Variants in NEBL observed in about 807,000 individuals in gnomAD.
The protein encoded by NEBL is nebulette.
NEBL carries 122 observed loss-of-function variants against 140.2 expected under a neutral mutation model. The observed-to-expected ratio is 0.87, with a 90% confidence interval of 0.75 to 1.01. NEBL has a LOEUF of 1.01. Ranked by LOEUF, NEBL falls within the 50% of genes least tolerant of loss-of-function variation. NEBL has a pLI of 0.00. For missense variants in NEBL, 1,365 were observed against 1,231.3 expected, an observed-to-expected ratio of 1.11 and a Z score of -1.62; for synonymous variants, 436 against 398.9, an observed-to-expected ratio of 1.09 and a Z score of -1.11.
intron 2 of NEBL, among the ~76,000 whole-genome samples, chr10:21,039,727 G>A (rs543900882): frequency 1.3e-5 from 2 of 152,094 alleles, no homozygotes; most frequent in South Asian, 4.2e-4. Flanking sequence ...TGCAAGCTTC[G>A]GAATAATACC....
intron 2 of NEBL, among the ~76,000 whole-genome samples, chr10:21,098,639 A>G (rs1038402320): frequency 1.3e-5 from 2 of 152,154 alleles, no homozygotes; most frequent in African/African-American, 2.4e-5. Context: ...AGATAAACTC[A>G]GTTCATTTGG....
At chr10:20,936,732 C>A (rs147669416) in intron 4 of NEBL, among the ~76,000 whole-genome samples, 28 of 152,304 alleles carry the variant, frequency 1.8e-4, no homozygotes, top group Non-Finnish European at 2.1e-4. Flanking sequence ...GATTACCACT[C>A]ATTATAGTTT....
At position 21,234,919 on chromosome 10, in the gene NEBL, T is replaced by C. The variant is rs551281703; in HGVS notation, n.348+13002A>G. Reference sequence around the variant, plus strand: ...CAAAACAAGGCTCAACGGTGAGATATAACCAACACCCAAGGCCTCTTTAAC... The same window carrying C: ...CAAAACAAGGCTCAACGGTGAGATACAACCAACACCCAAGGCCTCTTTAAC... On this transcript the variant is annotated intron_variant and non_coding_transcript_variant, in intron 3 of 8. Coordinates refer to the NEBL transcript ENST00000675702. 2.0e-5 allele frequency among the ~76,000 whole-genome samples: 3 copies of C among 152,254 alleles called. No individual in the cohort carries two copies. In the East Asian group the frequency reaches 5.8e-4, roughly 29 times the overall value.
intron 2 of NEBL, among the ~76,000 whole-genome samples, chr10:21,072,929 T>G (rs1325356776): frequency 6.6e-6 from 1 of 152,062 alleles, no homozygotes; most frequent in Non-Finnish European, 1.5e-5. Context: ...AGGTGGAGGT[T>G]GCAGTGAGTC....
At chr10:20,808,777 C>A in intron 25 of NEBL, 118 bp from the exon 26 acceptor site, 1 of 1,150,722 alleles carries the variant, frequency 8.7e-7, no homozygotes, top group Non-Finnish European at 1.3e-6. Context: ...AAGAATAACT[C>A]AAAATCTCAG....
At chr10:20,854,525 AC>A (rs1487772085) in intron 9 of NEBL, among the ~76,000 whole-genome samples, 7 of 133,762 alleles carry the variant, frequency 5.2e-5, no homozygotes, top group African/African-American at 1.4e-4. Context: ...GGAGGAAAGC[AC>A]CCCCCAGGAA....
At chr10:20,894,319 G>T (rs938905191) in intron 2 of NEBL, among the ~76,000 whole-genome samples, 1 of 151,492 alleles carries the variant, frequency 6.6e-6, no homozygotes, top group Non-Finnish European at 1.5e-5. Flanking sequence ...AAAAGAAAAT[G>T]AAAATTAGCC....
chr10:20,886,024 A>C (rs1846485914), intron 4 of NEBL, among the ~76,000 whole-genome samples: 1 of 152,170 alleles, frequency 6.6e-6, no homozygotes. Context: ...GCATTTTTCA[A>C]GAGTAATGTA....
chr10:21,258,884 T>C (rs1227286862), intron 1 of NEBL, among the ~76,000 whole-genome samples: 2 of 152,070 alleles, frequency 1.3e-5, no homozygotes, highest in African/African-American at 4.8e-5. Context: ...TAATATTTAC[T>C]GAGGACCTGC....
intron 3 of NEBL, among the ~76,000 whole-genome samples, chr10:20,964,887 G>C (rs1836225669): frequency 6.6e-6 from 1 of 152,162 alleles, no homozygotes. Flanking sequence ...CCCGTTACGT[G>C]AGCTAATCTC....
intron 3 of NEBL, among the ~76,000 whole-genome samples, chr10:21,237,631 G>A (rs1348174189): frequency 6.6e-6 from 1 of 151,322 alleles, no homozygotes; most frequent in Non-Finnish European, 1.5e-5. Context: ...TTGTGAGACA[G>A]GGTCTTGCTC....
At chr10:21,016,001 G>A (rs1449025312) in intron 3 of NEBL, among the ~76,000 whole-genome samples, 1 of 152,250 alleles carries the variant, frequency 6.6e-6, no homozygotes, top group Non-Finnish European at 1.5e-5. Flanking sequence ...CCCCGCAGGT[G>A]AACTATAATG....
intron 2 of NEBL, among the ~76,000 whole-genome samples, chr10:21,096,763 C>T (rs1017418919): frequency 1.3e-5 from 2 of 152,138 alleles, no homozygotes; most frequent in South Asian, 2.1e-4. Flanking sequence ...AATCCTCCTC[C>T]CTCAGCTGCG....
Position 20,925,150 on chromosome 10 carries a change from A to T in NEBL, c.357+36522T>A, listed in dbSNP as rs538269263. Reference sequence around the variant, plus strand: ...TAGAGACAAAGTCACTGTTTATTACATTTCTTCCAGAAATACTCTCTGCAC... The same window carrying T: ...TAGAGACAAAGTCACTGTTTATTACTTTTCTTCCAGAAATACTCTCTGCAC... On this transcript the variant is annotated intron_variant, in intron 4 of 6. Coordinates refer to the NEBL transcript ENST00000417816. Among the ~76,000 whole-genome samples the T allele has an allele frequency of 2.0e-5, 3 of 152,284 alleles. No individual in the cohort carries two copies. In the South Asian group the frequency reaches 6.2e-4, roughly 32 times the overall value.
At position 21,172,442 on chromosome 10, in the gene NEBL, G is replaced by A. The variant is rs1366000968; in HGVS notation, c.105C>T (p.Cys35=). ...AGTTGTTCATGTTGAGTGCCATCTTGCAGACCTCACAATGGAAACATCCTT... is the reference window on the plus strand; with the variant it reads ...AGTTGTTCATGTTGAGTGCCATCTTACAGACCTCACAATGGAAACATCCTT... Residue 35 remains cysteine (C), a synonymous_variant, in exon 2 of 7, where the codon TGC becomes TGT. Transcript: ENST00000417816. 3.1e-6 allele frequency: 5 copies of A among 1,612,172 alleles called. No homozygotes were observed. In the African/African-American group the frequency reaches 6.7e-5, roughly 22 times the overall value.
At chr10:20,802,146 C>T (rs543677155) in intron 26 of NEBL, among the ~76,000 whole-genome samples, 2 of 152,108 alleles carry the variant, frequency 1.3e-5, no homozygotes, top group African/African-American at 2.4e-5. Flanking sequence ...CAAGCACATA[C>T]GAATACTTTC....
chr10:20,881,985 G>T (rs1233922441), intron 4 of NEBL, among the ~76,000 whole-genome samples: 1 of 152,096 alleles, frequency 6.6e-6, no homozygotes, highest in Non-Finnish European at 1.5e-5. Flanking sequence ...AGAGAGACTT[G>T]CTCACGACAA....
intron 1 of NEBL, among the ~76,000 whole-genome samples, chr10:21,269,014 C>T (rs926393406): frequency 2.6e-5 from 4 of 152,176 alleles, no homozygotes; most frequent in Non-Finnish European, 5.9e-5. Flanking sequence ...ATTGACTGAT[C>T]ATCGCATCTC....
chr10:21,242,459 G>A (rs1029957266), intron 3 of NEBL, among the ~76,000 whole-genome samples: 1 of 152,124 alleles, frequency 6.6e-6, no homozygotes, highest in African/African-American at 2.4e-5. Context: ...AGACACCGGG[G>A]CCTGATGAGG....
Sources: gnomAD v4.1 joint callset for allele counts (sites outside exome capture counted in the v4.1 genomes callset) on GRCh38, gnomAD v4.1.1 for gene constraint, MANE v1.5 for transcripts, NCBI Gene and HGNC (gene_info 2026-07-23, HGNC 2026-07-21) for gene names.